CELSR3: variants seen among roughly 807,000 people sequenced by gnomAD.
The protein encoded by CELSR3 is cadherin EGF LAG seven-pass G-type receptor 3, also known as EGF-like protein 1.
CELSR3 carries 73 observed loss-of-function variants against 270.0 expected under a neutral mutation model. The ratio of observed to expected loss-of-function variants is 0.27; its 90% CI spans 0.22 to 0.33. The LOEUF is 0.33. CELSR3 is among the 10% of genes least tolerant of loss of function. The pLI, the probability that CELSR3 is intolerant of heterozygous loss-of-function variation, is 1.00. For missense variants in CELSR3, 3,614 were observed against 4,533.8 expected (o/e 0.80, Z 5.83); for synonymous variants, 1,780 against 1,905.4 (o/e 0.93, Z 1.71).
In CELSR3 at chr3:48,655,779, G is replaced by T. The variant is rs557008146; in HGVS notation, c.4698C>A (p.Ala1566=). 7.4e-6 allele frequency: 12 copies of T among 1,613,382 alleles called. No individual in the cohort carries two copies. Among genetic ancestry groups the T allele is most frequent in the Non-Finnish European group, 1.0e-5 (12 of 1,179,840 alleles). The change falls in exon 4 of 35, where the codon GCC becomes GCA. Residue 1566 remains alanine, a synonymous_variant. Coordinates refer to ENST00000164024, the MANE Select transcript of CELSR3 (RefSeq NM_001407.3). This position sits in a 1 kb window ranked among gnomAD's most constrained non-coding sequence, Gnocchi z 5.8. ...GRLNEKHDFL[A]LELVAGQVRL... Reference sequence around the variant, plus strand: ...GCACTTGGCCAGCCACGAGTTCCAGGGCCAGGAAGTCGTGCTTCTCGTTCA... The same window carrying T: ...GCACTTGGCCAGCCACGAGTTCCAGTGCCAGGAAGTCGTGCTTCTCGTTCA...
At position 48,646,016 on chromosome 3, in the gene CELSR3, G is replaced by A; in HGVS notation, c.7463+74C>T. ...CACAACAGCACTAGTGGGGGCCCCAGGGGAAGGCTGGGACTATTAGTTGGC... is the reference window on the plus strand; with the variant it reads ...CACAACAGCACTAGTGGGGGCCCCAAGGGAAGGCTGGGACTATTAGTTGGC... On this transcript the variant is annotated intron_variant, in intron 22 of 34. Transcript: ENST00000164024. The surrounding 1 kb of genome is among the most constrained non-coding windows in gnomAD (Gnocchi z 4.8). The A allele has an allele frequency of 1.3e-6, 2 of 1,589,580 alleles. No individual in the cohort carries two copies. The highest frequency in any genetic ancestry group is 1.3e-5 in the African/African-American group (1 of 74,270).
chr3:48,652,802 G>A lies in CELSR3; in HGVS notation c.5634+200C>T, dbSNP rs2047148909. On this transcript the variant is annotated intron_variant, in intron 10 of 34. Coordinates refer to ENST00000164024, the MANE Select transcript of CELSR3 (RefSeq NM_001407.3). The surrounding 1 kb of genome is among the most constrained non-coding windows in gnomAD (Gnocchi z 4.3). ...TTCCCCAAGACCAGGCCCCAAATCTGGCACAAAGAGGGCTTGAGAGTGGAC... is the reference window on the plus strand; with the variant it reads ...TTCCCCAAGACCAGGCCCCAAATCTAGCACAAAGAGGGCTTGAGAGTGGAC... 6.6e-6 allele frequency among the ~76,000 whole-genome samples: 1 copy of A among 152,182 alleles called. No individual in the cohort carries two copies. The highest frequency in any genetic ancestry group is 6.5e-5 in the Admixed American group (1 of 15,278).
rs200610415 is a variant in CELSR3 at position 48,639,810 on chromosome 3, A to G, written c.9775T>C (p.Ser3259Pro). 1 of 1,613,838 alleles carries G rather than the reference A, an allele frequency of 6.2e-7. No homozygotes were observed. The highest frequency in any genetic ancestry group is 8.5e-7 in the Non-Finnish European group (1 of 1,179,998). Residue 3259 changes from serine (S) to proline (P), a missense_variant, in exon 34 of 35, where the codon TCC becomes CCC. This residue lies in a region of CELSR3 where 1,240 missense variants were observed against 1,351.7 expected (regional missense o/e 0.92). Transcript: ENST00000164024. This position sits in a 1 kb window ranked among gnomAD's most constrained non-coding sequence, Gnocchi z 4.1. Reference protein sequence around the residue: ...ILASFNSSALSSVQSSSTPLG... With the variant: ...ILASFNSSALPSVQSSSTPLG... ...GGTGTGCTTGAAGATTGCACAGAGG[A>G]GAGGGCCGAGGAGTTGAAAGAGGCA...
intron 19 of CELSR3, 29 bp from the exon 20 acceptor site, chr3:48,648,025 A>C (rs2047102985): frequency 6.2e-7 from 1 of 1,609,060 alleles, no homozygotes; most frequent in Non-Finnish European, 8.5e-7. Flanking sequence ...GGGGAGGCCC[A>C]TCATGGACCT....
At chr3:48,647,815 C>A in intron 20 of CELSR3, 26 bp downstream of exon 20, 6 of 1,602,530 alleles carry the variant, frequency 3.7e-6, no homozygotes, top group Non-Finnish European at 5.1e-6. Context: ...CAGGACTTGG[C>A]CCAGGGGTCC....
chr3:48,653,990 C>T lies in CELSR3; in HGVS notation c.5166G>A (p.Lys1722=), dbSNP rs1406327587. ...NNGTMAGCQA[K]LHFCDSGPCK... is the part of the protein sequence containing the mutation. ...AGGGGCCTGAGTCACAAAAGTGTAG[C>T]TTGGCTTGGCAGCCTGGGAGAGGAA... Residue 1722 remains lysine (K), a synonymous_variant, in exon 8 of 35, where the codon AAG becomes AAA. Coordinates refer to ENST00000164024, the MANE Select transcript of CELSR3 (RefSeq NM_001407.3). The surrounding 1 kb of genome is among the most constrained non-coding windows in gnomAD (Gnocchi z 6.5). 6.2e-7 allele frequency: 1 copy of T among 1,612,998 alleles called. No individual in the cohort carries two copies. The highest frequency in any genetic ancestry group is 1.7e-5 in the Admixed American group (1 of 60,020).
At position 48,659,653 on chromosome 3, in the gene CELSR3, G is replaced by A; in HGVS notation, c.2982C>T (p.Gly994=). The change falls in exon 1 of 35, where the codon GGC becomes GGT. Residue 994 remains glycine (G), a synonymous_variant. Coordinates refer to ENST00000164024, the MANE Select transcript of CELSR3 (RefSeq NM_001407.3). This position sits in a 1 kb window ranked among gnomAD's most constrained non-coding sequence, Gnocchi z 8.1. ...CATTCTGGAAAGTGTACTGGACCCG[G>A]CCATTGGCATGAGCATCCCGGTCAG... is the stretch of plus-strand genomic sequence containing the variant. The part of the protein sequence containing the change: ...SATDRDAHAN[G]RVQYTFQNGE... 6.2e-7 allele frequency: 1 copy of A among 1,614,222 alleles called. No individual in the cohort carries two copies. The highest frequency in any genetic ancestry group is 8.5e-7 in the Non-Finnish European group (1 of 1,180,050).
In CELSR3 at chr3:48,640,882, A is replaced by T; in HGVS notation, c.9026-323T>A. 1 of 450,640 alleles carries T rather than the reference A, an allele frequency of 2.2e-6. No homozygotes were observed. The highest frequency in any genetic ancestry group is 3.9e-6 in the Non-Finnish European group (1 of 253,364). 27.9% of individuals were successfully genotyped at this position (450,640 alleles called of 1,614,324 possible). A position where few individuals can be genotyped will look rare whatever the true frequency, so the allele number is the denominator to read the frequency against. On this transcript the variant is annotated intron_variant, in intron 33 of 34. Transcript: ENST00000164024. The surrounding 1 kb of genome is among the most constrained non-coding windows in gnomAD (Gnocchi z 7.5). ...GGTCCTGACAATGCAGGCCTGGCTGAAATGCAGGAACCCCCCGGGTTGGAC... is the reference window on the plus strand; with the variant it reads ...GGTCCTGACAATGCAGGCCTGGCTGTAATGCAGGAACCCCCCGGGTTGGAC...
chr3:48,640,501 C>T lies in CELSR3; in HGVS notation c.9084G>A (p.Glu3028=). 1 of 1,609,712 alleles carries T rather than the reference C, an allele frequency of 6.2e-7. No homozygotes were observed. Among genetic ancestry groups the T allele is most frequent in the African/African-American group, 1.3e-5 (1 of 74,978 alleles). The change falls in exon 34 of 35, where the codon GAG becomes GAA. Residue 3028 remains glutamate (E), a synonymous_variant. Transcript: ENST00000164024. This position sits in a 1 kb window ranked among gnomAD's most constrained non-coding sequence, Gnocchi z 7.5. The part of the protein sequence containing the change: ...PLVPQTRGAP[E]LSWCRAATLG... ...AGGTGGCTGCACGGCACCAGGACAGCTCAGGGGCACCTCGGGTCTGTGGCA... is the reference window on the plus strand; with the variant it reads ...AGGTGGCTGCACGGCACCAGGACAGTTCAGGGGCACCTCGGGTCTGTGGCA...
Position 48,652,691 on chromosome 3 carries a change from G to T in CELSR3, c.5635-138C>A. The T allele has an allele frequency of 4.5e-6, 3 of 664,426 alleles. No individual in the cohort carries two copies. Among genetic ancestry groups the T allele is most frequent in the Non-Finnish European group, 7.6e-6 (3 of 395,982 alleles). 41.2% of individuals were successfully genotyped at this position (664,426 alleles called of 1,614,324 possible). On this transcript the variant is annotated intron_variant, in intron 10 of 34. Coordinates refer to ENST00000164024, the MANE Select transcript of CELSR3 (RefSeq NM_001407.3). This position sits in a 1 kb window ranked among gnomAD's most constrained non-coding sequence, Gnocchi z 4.3. ...TGGACCCACAGTAGACCTTAATATT[G>T]CTTGATTTTGACCGGGGGTGGGTAG...
At position 48,645,016 on chromosome 3, in the gene CELSR3, TG is replaced by T. The variant is rs751419385; in HGVS notation, c.7972+18del. 6.4e-7 allele frequency: 1 copy of T among 1,564,676 alleles called. No homozygotes were observed. Among genetic ancestry groups the T allele is most frequent in the African/African-American group, 1.3e-5 (1 of 74,228 alleles). On this transcript the variant is annotated intron_variant, in intron 25 of 34. Coordinates refer to ENST00000164024, the MANE Select transcript of CELSR3 (RefSeq NM_001407.3). The surrounding 1 kb of genome is among the most constrained non-coding windows in gnomAD (Gnocchi z 5.4). ...GTCAGGCCATGTGATGGTTGGAGGT[TG>T]GGGGTCACAGCCCTCACCCAGCAGC... is the stretch of plus-strand genomic sequence containing the variant.
rs1324587660 is a variant in CELSR3 at position 48,658,518 on chromosome 3, C to T, written c.3748+369G>A. Reference sequence around the variant, plus strand: ...TCAGACTGGACCCAAAGTAACCCTTCGTCTGAACATGGGCATAGTGTGGAC... The same window carrying T: ...TCAGACTGGACCCAAAGTAACCCTTTGTCTGAACATGGGCATAGTGTGGAC... On this transcript the variant is annotated intron_variant, in intron 1 of 34. Coordinates refer to ENST00000164024, the MANE Select transcript of CELSR3 (RefSeq NM_001407.3). The surrounding 1 kb of genome is among the most constrained non-coding windows in gnomAD (Gnocchi z 4.7). 1.3e-5 allele frequency among the ~76,000 whole-genome samples: 2 copies of T among 152,302 alleles called. No homozygotes were observed. Among genetic ancestry groups the T allele is most frequent in the African/African-American group, 4.8e-5 (2 of 41,554 alleles).
Position 48,654,390 on chromosome 3 carries a change from G to A in CELSR3, c.5051C>T (p.Pro1684Leu), listed in dbSNP as rs1190683303. The A allele has an allele frequency of 6.2e-7, 1 of 1,610,190 alleles. No homozygotes were observed. Among genetic ancestry groups the A allele is most frequent in the African/African-American group, 1.3e-5 (1 of 74,852 alleles). Residue 1684 changes from proline (P) to leucine (L), a missense_variant, in exon 7 of 35, where the codon CCC becomes CTC. Around this residue, in one of 7 missense-constraint regions of CELSR3, gnomAD observed 1,331 missense variants for 1,933.7 expected, o/e 0.69. Transcript: ENST00000164024. This position sits in a 1 kb window ranked among gnomAD's most constrained non-coding sequence, Gnocchi z 5.4. ...GCCGATGAAGTCCTTATGGGATACG[G>A]GGAAGTTCTCGGGGAGGTTGGGGAC... is the stretch of plus-strand genomic sequence containing the variant. ...GGVPNLPENFPVSHKDFIGCM... is the reference protein window; with the variant it reads ...GGVPNLPENFLVSHKDFIGCM...
Position 48,639,868 on chromosome 3 carries a change from G to A in CELSR3, c.9717C>T (p.Ser3239=), listed in dbSNP as rs148172119. 268 of 1,613,570 alleles carry A rather than the reference G, an allele frequency of 1.7e-4. No individual in the cohort carries two copies. Among genetic ancestry groups the A allele is most frequent in the Non-Finnish European group, 2.2e-4 (261 of 1,180,034 alleles). The part of the protein sequence containing the change: ...DSVSGPSHGP[S]TEQLDILSSI... ...AGGAAAGAATGTCCAACTGTTCTGT[G>A]GAGGGGCCATGGCTGGGGCCACTGA... Residue 3239 remains serine (S), a synonymous_variant, in exon 34 of 35, where the codon TCC becomes TCT. Transcript: ENST00000164024. This position sits in a 1 kb window ranked among gnomAD's most constrained non-coding sequence, Gnocchi z 4.1.
rs561035136 is a variant in CELSR3, at chr3:48,638,101, G to A, written c.*104C>T. On this transcript the variant is annotated 3_prime_UTR_variant, in exon 35 of 35. Transcript: ENST00000164024. ...GTAGAGCTGGGGCACCCACCACTGGGGAGCAGGAGGCTGCCTTGGGATCTG... is the reference window on the plus strand; with the variant it reads ...GTAGAGCTGGGGCACCCACCACTGGAGAGCAGGAGGCTGCCTTGGGATCTG... 18 of 985,744 alleles carry A rather than the reference G, an allele frequency of 1.8e-5. No homozygotes were observed. The highest frequency in any genetic ancestry group is 2.6e-5 in the Non-Finnish European group (16 of 617,352). The allele number at this position is 985,744 out of a possible 1,614,324, so 61.1% of individuals were successfully genotyped here.
chr3:48,650,360 C>G lies in CELSR3; in HGVS notation c.6472+120G>C. The G allele has an allele frequency of 5.0e-6, 4 of 805,696 alleles. No homozygotes were observed. The highest frequency in any genetic ancestry group is 8.5e-6 in the Non-Finnish European group (4 of 470,878). The allele number at this position is 805,696 out of a possible 1,614,324, so 49.9% of individuals were successfully genotyped here. ...AGGGAGGGGCCCACATGGACTCCCA[C>G]CCCACTTCCACCTCTTTGCAGGAAC... On this transcript the variant is annotated intron_variant, in intron 16 of 34. Coordinates refer to ENST00000164024, the MANE Select transcript of CELSR3 (RefSeq NM_001407.3). This position sits in a 1 kb window ranked among gnomAD's most constrained non-coding sequence, Gnocchi z 5.1.
Position 48,656,368 on chromosome 3 carries a change from G to A in CELSR3, c.4400-3C>T. 1 of 1,410,706 alleles carries A rather than the reference G, an allele frequency of 7.1e-7. No individual in the cohort carries two copies. The highest frequency in any genetic ancestry group is 9.1e-7 in the Non-Finnish European group (1 of 1,096,214). The allele number at this position is 1,410,706 out of a possible 1,614,324, so 87.4% of individuals were successfully genotyped here. On this transcript the variant is annotated splice_polypyrimidine_tract_variant and splice_region_variant and intron_variant, in intron 2 of 34. Coordinates refer to ENST00000164024, the MANE Select transcript of CELSR3 (RefSeq NM_001407.3). Reference sequence around the variant, plus strand: ...GGTGTCCAGCTCGCAGTCCTCTCCTGGGGGCCAAGCCGCGGTCAGAGGCGG... The same window carrying A: ...GGTGTCCAGCTCGCAGTCCTCTCCTAGGGGCCAAGCCGCGGTCAGAGGCGG...
intron 18 of CELSR3, 80 bp downstream of exon 18, chr3:48,648,639 G>A (rs2047109958): frequency 1.3e-6 from 2 of 1,507,630 alleles, no homozygotes. Context: ...GAGAACAGCA[G>A]GAGCCTGAGC....
Position 48,656,759 on chromosome 3 carries a change from G to T in CELSR3, c.4338C>A (p.Asn1446Lys). ...LDLCYSNPCRNGGACARREGG... is the reference protein window; with the variant it reads ...LDLCYSNPCRKGGACARREGG... ...CCTCGCGCCGCGCGCAGGCTCCGCC[G>T]TTGCGACATGGGTTGGAGTAGCAGA... Residue 1446 changes from asparagine (N) to lysine (K), a missense_variant, in exon 2 of 35, where the codon AAC (asparagine) becomes AAA (lysine). Transcript: ENST00000164024. 6.4e-7 allele frequency: 1 copy of T among 1,552,990 alleles called. No homozygotes were observed. Among genetic ancestry groups the T allele is most frequent in the Non-Finnish European group, 8.7e-7 (1 of 1,150,156 alleles).
Sources: gnomAD v4.1 joint callset for allele counts (sites outside exome capture counted in the v4.1 genomes callset) on GRCh38, gnomAD v4.1.1 for gene constraint, gnomAD v4.1.1 regional missense constraint, Gnocchi (gnomAD v3.1) non-coding constraint, MANE v1.5 for transcripts, NCBI Gene and HGNC (gene_info 2026-07-23, HGNC 2026-07-21) for gene names.